Variants in PACRGL observed in about 807,000 individuals in gnomAD.
PACRGL encodes the protein parkin coregulated like.
PACRGL carries 38 observed loss-of-function variants against 34.5 expected under a neutral mutation model. The observed-to-expected ratio is 1.10, with a 90% CI of 0.85 to 1.44. The LOEUF is 1.44. PACRGL is among the 40% of genes most tolerant of loss of function. The pLI is 0.00. For synonymous variants in PACRGL, 128 were observed against 100.1 expected, an observed-to-expected ratio of 1.28 and a Z score of -1.66; for missense variants, 305 against 281.4, an observed-to-expected ratio of 1.08 and a Z score of -0.60.
At chr4:20,766,529 A>G in the PACRGL span, among the ~76,000 whole-genome samples, 32 of 152,268 alleles carry the variant, frequency 2.1e-4, 1 homozygote, top group African/African-American at 7.5e-4. Context: ...TCACGCCACT[A>G]TACTCCAGCC....
At chr4:20,723,293 G>A (rs576073823) in intron 7 of PACRGL, among the ~76,000 whole-genome samples, 198 of 152,282 alleles carry the variant, frequency 1.3e-3, no homozygotes, top group Admixed American at 3.2e-3. Flanking sequence ...ATATTCAGTC[G>A]TTTAATAATA....
intron 8 of PACRGL, among the ~76,000 whole-genome samples, chr4:20,749,171 A>T (rs1753106358): frequency 6.9e-6 from 1 of 145,484 alleles, no homozygotes; most frequent in African/African-American, 2.5e-5. Flanking sequence ...AAAAAAAAAA[A>T]ATACGTTCTC....
chr4:20,718,758 A>G (rs1229765902), intron 7 of PACRGL: 3 of 152,206 alleles, frequency 2.0e-5, no homozygotes, highest in Non-Finnish European at 4.4e-5. Context: ...GGATTTTTGC[A>G]TTGATGTTCA....
chr4:20,704,903 T>C (rs1478013596), intron 3 of PACRGL, 89 bp downstream of exon 3: 1 of 1,440,112 alleles, frequency 6.9e-7, no homozygotes, highest in Non-Finnish European at 9.6e-7. Flanking sequence ...TTGAGTTTTG[T>C]CCCTTTGCTA....
intron 6 of PACRGL, 135 bp from the exon 7 acceptor site, chr4:20,713,297 G>T: frequency 1.5e-6 from 1 of 658,116 alleles, no homozygotes; most frequent in Non-Finnish European, 2.5e-6. Context: ...AGGTTTTGTT[G>T]ACTATCTTCT....
At chr4:20,758,811 T>C in the PACRGL span, 15 of 1,605,530 alleles carry the variant, frequency 9.3e-6, no homozygotes, top group Non-Finnish European at 1.3e-5. Flanking sequence ...AAGTCCACAT[T>C]TGTACTTACC....
intron 7 of PACRGL, among the ~76,000 whole-genome samples, chr4:20,717,840 C>T (rs2149138322): frequency 6.8e-6 from 1 of 147,766 alleles, no homozygotes. Flanking sequence ...TCCATATGAA[C>T]TTTAAAGTAG....
the PACRGL span, among the ~76,000 whole-genome samples, chr4:20,763,181 C>A: frequency 0.021 from 3,179 of 152,254 alleles, 34 homozygotes; most frequent in Non-Finnish European, 0.028. Flanking sequence ...ACATACCTAA[C>A]CTGAAAATCT....
chr4:20,715,414 A>G (rs917265820), intron 7 of PACRGL, among the ~76,000 whole-genome samples: 2 of 152,050 alleles, frequency 1.3e-5, no homozygotes, highest in Non-Finnish European at 2.9e-5. Flanking sequence ...CCTAAAACTT[A>G]AAGTATAATA....
chr4:20,726,226 A>C (rs1745563011), intron 8 of PACRGL, among the ~76,000 whole-genome samples: 1 of 152,108 alleles, frequency 6.6e-6, no homozygotes, highest in Admixed American at 6.6e-5. Context: ...GCACATTAAG[A>C]TTTGGAAGGG....
At chr4:20,707,574 A>G (rs1369936477) in intron 3 of PACRGL, among the ~76,000 whole-genome samples, 2 of 151,874 alleles carry the variant, frequency 1.3e-5, no homozygotes, top group Non-Finnish European at 2.9e-5. Flanking sequence ...ATCATTCCAT[A>G]TGTGGTTTCA....
chr4:20,766,079 C>G, the PACRGL span, among the ~76,000 whole-genome samples: 4,344 of 152,172 alleles, frequency 0.029, 106 homozygotes, highest in East Asian at 0.09. Context: ...TAAGCTAATA[C>G]ACATGAGCAC....
In PACRGL at chr4:20,721,928, G is replaced by A. The variant is rs1249749203; in HGVS notation, c.610-2880G>A. On this transcript the variant is annotated intron_variant, in intron 7 of 8. Transcript: ENST00000503585. ...GCTATGCCCTGCCCCCAGAGGTGGA[G>A]TCTACAGAGGCAGGCAGGCCTCCTT... Among the ~76,000 whole-genome samples, 9 of 152,346 alleles carry A rather than the reference G, an allele frequency of 5.9e-5. No homozygotes were observed. The East Asian group carries it at 1.4e-3, about 23-fold the overall frequency.
chr4:20,728,686 T>C lies in PACRGL; in HGVS notation c.*1345T>C, dbSNP rs950345753. 5.9e-5 allele frequency: 9 copies of C among 152,538 alleles called. No homozygotes were observed. Among genetic ancestry groups the C allele is most frequent in the African/African-American group, 1.9e-4 (8 of 41,460 alleles). 9.4% of individuals were successfully genotyped at this position (152,538 alleles called of 1,614,324 possible). ...TGCACATTGAGTTTACACAAACACG[T>C]GATGGCAAATTTCAGTGTACATGTA... is the stretch of plus-strand genomic sequence containing the variant. On this transcript the variant is annotated 3_prime_UTR_variant, in exon 9 of 9. Transcript: ENST00000503585.
intron 4 of PACRGL, among the ~76,000 whole-genome samples, chr4:20,708,563 T>C (rs777770208): frequency 6.6e-6 from 1 of 152,194 alleles, no homozygotes; most frequent in Non-Finnish European, 1.5e-5. Flanking sequence ...CATATTTACA[T>C]TCTGAATTGA....
downstream of PACRGL, chr4:20,734,727 G>A (rs1258118252): frequency 6.5e-7 from 1 of 1,549,664 alleles, no homozygotes. Flanking sequence ...AAAGACCTTT[G>A]ATGAAATCCT....
intron 1 of PACRGL, among the ~76,000 whole-genome samples, chr4:20,703,211 G>C (rs567451957): frequency 6.6e-6 from 1 of 152,132 alleles, no homozygotes; most frequent in South Asian, 2.1e-4. Flanking sequence ...GGTGGAAGAG[G>C]ACTTTACCTG....
downstream of PACRGL, among the ~76,000 whole-genome samples, chr4:20,756,337 C>T (rs772478753): frequency 6.6e-6 from 1 of 152,172 alleles, no homozygotes; most frequent in Non-Finnish European, 1.5e-5. Context: ...ACTCCCGATT[C>T]ATGGACTCCA....
At chr4:20,738,071 A>G (rs944918491) in intron 8 of PACRGL, among the ~76,000 whole-genome samples, 1 of 151,976 alleles carries the variant, frequency 6.6e-6, no homozygotes, top group Non-Finnish European at 1.5e-5. Flanking sequence ...TCGAGGCTAC[A>G]GTGAACTATG....
Sources: allele counts gnomAD v4.1 joint callset (sites outside exome capture counted in the v4.1 genomes callset), GRCh38; gene constraint gnomAD v4.1.1; transcripts MANE v1.5; gene names NCBI Gene and HGNC (gene_info 2026-07-23, HGNC 2026-07-21).